The following INSYN2B variants were observed in gnomAD, a reference collection of about 807,000 sequenced individuals.
The protein encoded by INSYN2B is protein INSYN2B.
A neutral mutation model predicts 41.2 loss-of-function variants in INSYN2B; 16 were observed. The ratio of observed to expected loss-of-function variants is 0.39; its 90% CI spans 0.26 to 0.59. The LOEUF (loss-of-function observed/expected upper bound fraction) is 0.59, where lower values mean the gene tolerates loss of function less well. INSYN2B is among the 20% of genes least tolerant of loss of function. The pLI is 0.57. For missense variants in INSYN2B, 608 were observed against 646.4 expected, an observed-to-expected ratio of 0.94 and a Z score of 0.64; for synonymous variants, 245 against 244.4, an observed-to-expected ratio of 1.00 and a Z score of -0.02.
chr5:169,910,172 C>T (rs1209946819), intron 1 of INSYN2B, among the ~76,000 whole-genome samples: 1 of 152,096 alleles, frequency 6.6e-6, no homozygotes. Context: ...TGATTAGTAC[C>T]GCAGATCCAG....
At chr5:169,934,602 C>A (rs762493553) in intron 1 of INSYN2B, 3 of 455,674 alleles carry the variant, frequency 6.6e-6, no homozygotes, top group East Asian at 6.9e-5. Context: ...GGCTGTCTGA[C>A]CTTGGGCAAG....
intron 3 of INSYN2B, among the ~76,000 whole-genome samples, chr5:169,874,410 C>CAAAAAAA (rs34525811): frequency 2.8e-5 from 2 of 72,030 alleles, no homozygotes; most frequent in South Asian, 6.6e-4. Context: ...GACTCTGTCT[C>CAAAAAAA]AAAAAAAAAA....
At chr5:169,950,062 C>A (rs921986467) in intron 1 of INSYN2B, among the ~76,000 whole-genome samples, 1 of 152,180 alleles carries the variant, frequency 6.6e-6, no homozygotes, top group Non-Finnish European at 1.5e-5. Context: ...AGTGCCATCT[C>A]TTCTGAAGCA....
At chr5:169,966,266 CA>C (rs1476657615) in intron 1 of INSYN2B, among the ~76,000 whole-genome samples, 1 of 151,690 alleles carries the variant, frequency 6.6e-6, no homozygotes, top group African/African-American at 2.4e-5. Context: ...AAATGGGCTG[CA>C]AATGTGTACA....
At position 169,933,835 on chromosome 5, in the gene INSYN2B, C is replaced by T. The variant is rs530615087; in HGVS notation, c.-919+46442G>A. 2.6e-5 allele frequency among the ~76,000 whole-genome samples: 4 copies of T among 152,254 alleles called. No homozygotes were observed. In the South Asian group the frequency reaches 6.2e-4, roughly 24 times the overall value. On this transcript the variant is annotated intron_variant, in intron 1 of 3. Transcript: ENST00000377365. Reference sequence around the variant, plus strand: ...TGGGGAATGCATGAGGGGTGGCTGGCGTCCAGACTTACTGTAACCAGAGAG... The same window carrying T: ...TGGGGAATGCATGAGGGGTGGCTGGTGTCCAGACTTACTGTAACCAGAGAG...
rs996716486 is a variant in INSYN2B, at chr5:169,883,256, C to T, written c.643G>A (p.Glu215Lys). The T allele has an allele frequency of 1.3e-6, 2 of 1,551,468 alleles. No homozygotes were observed. The highest frequency in any genetic ancestry group is 2.7e-5 in the African/African-American group (2 of 73,010). The stretch of plus-strand genomic sequence containing the variant: ...GGGCTGAGAGCAGACTCTCTAGCTT[C>T]CCAGGAAGGACTGTGATAAATATCA... ...PDDIYHSPSW[E>K]ARESALSPDR... Residue 215 changes from glutamate (E) to lysine (K), a missense_variant, in exon 2 of 4, where the codon GAA (glutamate) becomes AAA (lysine). Coordinates refer to ENST00000377365, the MANE Select transcript of INSYN2B (RefSeq NM_001129891.3).
At chr5:169,952,575 A>C (rs1776704167) in intron 1 of INSYN2B, among the ~76,000 whole-genome samples, 1 of 152,132 alleles carries the variant, frequency 6.6e-6, no homozygotes, top group African/African-American at 2.4e-5. Flanking sequence ...ACTTCAGCAC[A>C]TGAGACTGTA....
At chr5:169,881,340 A>G (rs1439877422) in intron 3 of INSYN2B, 28 bp downstream of exon 3, 3 of 1,543,628 alleles carry the variant, frequency 1.9e-6, no homozygotes, top group African/African-American at 2.7e-5. Flanking sequence ...TATGGTCTAC[A>G]GAGCAGGCCT....
At chr5:169,913,649 G>A (rs1479521008) in intron 1 of INSYN2B, among the ~76,000 whole-genome samples, 1 of 152,168 alleles carries the variant, frequency 6.6e-6, no homozygotes, top group Non-Finnish European at 1.5e-5. Flanking sequence ...TGCAGCTTAT[G>A]AGCAGAGCTA....
intron 1 of INSYN2B, among the ~76,000 whole-genome samples, chr5:169,917,759 G>A (rs1295889958): frequency 2.0e-5 from 3 of 152,164 alleles, no homozygotes; most frequent in Non-Finnish European, 4.4e-5. Flanking sequence ...ACTCAGAAAG[G>A]GATTTTTTCT....
chr5:169,906,757 C>T (rs1040400647), intron 1 of INSYN2B, among the ~76,000 whole-genome samples: 1 of 152,164 alleles, frequency 6.6e-6, no homozygotes, highest in Non-Finnish European at 1.5e-5. Flanking sequence ...CATTCCTGAC[C>T]TCCTTGCTTT....
intron 1 of INSYN2B, among the ~76,000 whole-genome samples, chr5:169,905,308 CAGG>C (rs971030165): frequency 9.1e-6 from 1 of 109,390 alleles, no homozygotes; most frequent in African/African-American, 3.5e-5. Context: ...TTTTTTTTTT[CAGG>C]AGAAGCCAGA....
chr5:169,864,565 A>G, intron 3 of INSYN2B, 106 bp from the exon 4 acceptor site: 1 of 906,698 alleles, frequency 1.1e-6, no homozygotes, highest in Non-Finnish European at 1.6e-6. Context: ...CTTTGGGATC[A>G]AATCCTAGAT....
At chr5:169,896,276 T>C (rs1386207218) in intron 1 of INSYN2B, among the ~76,000 whole-genome samples, 1 of 152,162 alleles carries the variant, frequency 6.6e-6, no homozygotes, top group Non-Finnish European at 1.5e-5. Flanking sequence ...GTTCAGAGTT[T>C]ATCTGAAGTA....
At chr5:169,895,612 G>T (rs182482544) in intron 1 of INSYN2B, among the ~76,000 whole-genome samples, 15 of 151,814 alleles carry the variant, frequency 9.9e-5, no homozygotes, top group Non-Finnish European at 1.6e-4. Flanking sequence ...GCCACTGGGG[G>T]TTCCACCTTC....
chr5:169,959,060 G>A (rs1378651734), intron 1 of INSYN2B, among the ~76,000 whole-genome samples: 1 of 152,134 alleles, frequency 6.6e-6, no homozygotes, highest in Non-Finnish European at 1.5e-5. Context: ...AATGTAGGTA[G>A]CATTGCAGAA....
intron 1 of INSYN2B, among the ~76,000 whole-genome samples, chr5:169,913,828 G>A (rs887494248): frequency 6.6e-6 from 1 of 152,160 alleles, no homozygotes; most frequent in African/African-American, 2.4e-5. Flanking sequence ...CAACTACAAT[G>A]TTGATCCCAT....
intron 1 of INSYN2B, among the ~76,000 whole-genome samples, chr5:169,956,302 C>A (rs547368256): frequency 6.6e-6 from 1 of 152,144 alleles, no homozygotes; most frequent in African/African-American, 2.4e-5. Flanking sequence ...TGCCTGGGAG[C>A]GGCTAGAAAA....
chr5:169,938,095 G>A (rs1007192636), intron 1 of INSYN2B, among the ~76,000 whole-genome samples: 3 of 152,168 alleles, frequency 2.0e-5, no homozygotes, highest in Non-Finnish European at 4.4e-5. Context: ...TGCCTAACAT[G>A]CACCAGCCAT....
Sources: allele counts gnomAD v4.1 joint callset (sites outside exome capture counted in the v4.1 genomes callset), GRCh38; gene constraint gnomAD v4.1.1; transcripts MANE v1.5; gene names NCBI Gene and HGNC (gene_info 2026-07-23, HGNC 2026-07-21).